The following IL18R1 variants were observed in gnomAD, a reference collection of about 807,000 sequenced individuals.
IL18R1 encodes the protein interleukin-18 receptor 1.
Under a neutral mutation model 48.5 loss-of-function variants are expected in IL18R1, and 40 were observed. The ratio of observed to expected loss-of-function variants is 0.82; its 90% CI spans 0.64 to 1.07. IL18R1 has a LOEUF of 1.07. Among genes scored for constraint, IL18R1 ranks in the 50% least tolerant of loss-of-function variants. The probability of loss-of-function intolerance (pLI) is 0.00; values close to 1 mark genes in which losing one functional copy is unlikely to be tolerated. For synonymous variants in IL18R1, 232 were observed against 225.9 expected, an observed-to-expected ratio of 1.03 and a Z score of -0.24; for missense variants, 596 against 633.7, an observed-to-expected ratio of 0.94 and a Z score of 0.64.
chr2:102,367,800 A>C (rs755353713), intron 2 of IL18R1, 25 bp from the exon 3 acceptor site: 3 of 1,585,634 alleles, frequency 1.9e-6, no homozygotes, highest in Non-Finnish European at 2.6e-6. Context: ...GTTTTTATTT[A>C]TTTTACTTTA....
chr2:102,380,720 C>G (rs1381731633), intron 5 of IL18R1, among the ~76,000 whole-genome samples: 1 of 152,182 alleles, frequency 6.6e-6, no homozygotes, highest in Non-Finnish European at 1.5e-5. Flanking sequence ...CAGGAGCACT[C>G]CTGAGTCTCA....
intron 4 of IL18R1, chr2:102,373,994 G>T: frequency 2.3e-6 from 1 of 441,794 alleles, no homozygotes. Context: ...CTACATTATG[G>T]TGAGTTGTAT....
At chr2:102,388,225 A>G (rs1299574925) in intron 8 of IL18R1, among the ~76,000 whole-genome samples, 2 of 152,172 alleles carry the variant, frequency 1.3e-5, no homozygotes, top group African/African-American at 4.8e-5. Flanking sequence ...CCGCCTCTCT[A>G]CCATATGCAC....
intron 2 of IL18R1, among the ~76,000 whole-genome samples, chr2:102,367,515 T>C (rs978571978): frequency 6.6e-6 from 1 of 152,202 alleles, no homozygotes; most frequent in African/African-American, 2.4e-5. Flanking sequence ...TTGTAATGTG[T>C]AATATTTTCT....
chr2:102,359,503 G>C (rs965820317), intron 1 of IL18R1, among the ~76,000 whole-genome samples: 8 of 152,142 alleles, frequency 5.3e-5, no homozygotes, highest in Admixed American at 1.3e-4. Flanking sequence ...CTGGACAAAA[G>C]ACATAAAGAG....
At chr2:102,375,775 A>G (rs1679541126) in intron 4 of IL18R1, 132 bp from the exon 5 acceptor site, 1 of 559,588 alleles carries the variant, frequency 1.8e-6, no homozygotes. Flanking sequence ...TAACTGGGAC[A>G]TATGTCCAGG....
At chr2:102,394,438 A>G (rs763917117) in intron 9 of IL18R1, 31 bp from the exon 10 acceptor site, 37 of 1,541,100 alleles carry the variant, frequency 2.4e-5, no homozygotes, top group Non-Finnish European at 3.1e-5. Context: ...TTATTTACAC[A>G]TGAATTAAAA....
At chr2:102,376,568 G>A (rs1679597116) in intron 5 of IL18R1, among the ~76,000 whole-genome samples, 1 of 152,184 alleles carries the variant, frequency 6.6e-6, no homozygotes, top group Admixed American at 6.5e-5. Context: ...GTTGGAGGAA[G>A]GACAGATGCA....
In IL18R1 at chr2:102,368,068, A is replaced by C; in HGVS notation, c.302A>C (p.Lys101Thr). 6.2e-7 allele frequency: 1 copy of C among 1,614,146 alleles called. No individual in the cohort carries two copies. The change falls in exon 3 of 11, where the codon AAA becomes ACA. Residue 101 changes from lysine to threonine, a missense_variant and splice_region_variant. By Grantham distance (78) the Lys-to-Thr change is moderately conservative (BLOSUM62 -1). Transcript: ENST00000233957. ...NDTGSYFFQM[K>T]NYTQKWKLNV... is the part of the protein sequence containing the mutation. The stretch of plus-strand genomic sequence containing the variant: ...ACAGGATCTTACTTTTTCCAAATGA[A>C]GTGAGTAACCCTTTCTTTTCAAAAT...
intron 8 of IL18R1, 62 bp from the exon 9 acceptor site, chr2:102,389,994 G>A: frequency 6.4e-7 from 1 of 1,554,400 alleles, no homozygotes; most frequent in South Asian, 1.1e-5. Flanking sequence ...AGCACGTGAT[G>A]ATGGACAACA....
At chr2:102,370,148 G>T (rs1308377528) in intron 3 of IL18R1, among the ~76,000 whole-genome samples, 4 of 152,194 alleles carry the variant, frequency 2.6e-5, no homozygotes, top group African/African-American at 9.7e-5. Flanking sequence ...GTTGGCCTCA[G>T]TGTTAACCCT....
intron 2 of IL18R1, among the ~76,000 whole-genome samples, chr2:102,366,581 C>A (rs1261828950): frequency 6.6e-6 from 1 of 152,140 alleles, no homozygotes; most frequent in African/African-American, 2.4e-5. Flanking sequence ...CAGTAGCACC[C>A]CACTTCTGGT....
chr2:102,368,106 C>T, intron 3 of IL18R1, 38 bp downstream of exon 3: 4 of 1,608,372 alleles, frequency 2.5e-6, no homozygotes, highest in South Asian at 1.1e-5. Context: ...ATTTCACAGC[C>T]CTCTTGTCCT....
Position 102,390,102 on chromosome 2 carries a change from C to G in IL18R1, c.996C>G (p.Ile332Met). ...IPGHVFTRGMIIAVLILVAVV... is the reference protein window; with the variant it reads ...IPGHVFTRGMMIAVLILVAVV... ...GCCACGTCTTCACAAGAGGAATGAT[C>G]ATAGCTGTTTTGATCTTGGTGGCAG... Residue 332 changes from isoleucine (I) to methionine (M), a missense_variant, in exon 9 of 11, where the codon ATC becomes ATG. This residue lies in a region of IL18R1 where 57 missense variants were observed against 88.2 expected (regional missense o/e 0.65). Transcript: ENST00000233957. 6.2e-7 allele frequency: 1 copy of G among 1,614,086 alleles called. No individual in the cohort carries two copies. The highest frequency in any genetic ancestry group is 2.2e-5 in the East Asian group (1 of 44,870).
At position 102,396,609 on chromosome 2, in the gene IL18R1, A is replaced by G. The variant is rs1486661226; in HGVS notation, c.1349A>G (p.Asn450Ser). The change falls in exon 11 of 11, where the codon AAT (asparagine) becomes AGT (serine). Residue 450 changes from asparagine to serine, a missense_variant. Asn to Ser is a conservative substitution (Grantham distance 46). This residue lies in a region of IL18R1 where 179 missense variants were observed against 206.1 expected (regional missense o/e 0.87). Coordinates refer to ENST00000233957, the MANE Select transcript of IL18R1 (RefSeq NM_003855.5). ...GTCCTAAGTAAAAGTTATATGTCTA[A>G]TGAGGTCAGGTATGAACTTGAAAGT... is the stretch of plus-strand genomic sequence containing the variant. ...IIVLSKSYMS[N>S]EVRYELESGL... 1 of 1,613,690 alleles carries G rather than the reference A, an allele frequency of 6.2e-7. No individual in the cohort carries two copies. The highest frequency in any genetic ancestry group is 8.5e-7 in the Non-Finnish European group (1 of 1,179,616).
intron 2 of IL18R1, among the ~76,000 whole-genome samples, chr2:102,366,521 C>G (rs1034417537): frequency 6.6e-6 from 1 of 152,182 alleles, no homozygotes; most frequent in Non-Finnish European, 1.5e-5. Flanking sequence ...CTGTTCCAAC[C>G]TCTGCCTGTA....
At chr2:102,384,809 A>G (rs550798512) in intron 6 of IL18R1, 69 bp from the exon 7 acceptor site, 12 of 1,565,824 alleles carry the variant, frequency 7.7e-6, no homozygotes, top group East Asian at 2.3e-5. Context: ...TACATTGATT[A>G]TATTGTTTTG....
At chr2:102,359,277 T>C (rs1559615132) in intron 1 of IL18R1, among the ~76,000 whole-genome samples, 1 of 151,900 alleles carries the variant, frequency 6.6e-6, no homozygotes, top group African/African-American at 2.4e-5. Context: ...AAGTTAAATA[T>C]AAAAACAAAA....
At chr2:102,363,186 T>A (rs1194968142) in intron 2 of IL18R1, among the ~76,000 whole-genome samples, 1 of 143,788 alleles carries the variant, frequency 7.0e-6, no homozygotes, top group Admixed American at 6.8e-5. Flanking sequence ...TTATTAGCAG[T>A]GATTGCCTAG....
Sources: allele counts gnomAD v4.1 joint callset (sites outside exome capture counted in the v4.1 genomes callset), GRCh38; gene constraint gnomAD v4.1.1; regional missense constraint gnomAD v4.1.1; transcripts MANE v1.5; gene names NCBI Gene and HGNC (gene_info 2026-07-23, HGNC 2026-07-21).